Variants in ST3GAL6 observed in about 807,000 individuals in gnomAD.
The protein encoded by ST3GAL6 is ST3 beta-galactoside alpha-2,3-sialyltransferase 6, also known as type 2 lactosamine alpha-2,3-sialyltransferase.
A neutral mutation model predicts 40.5 loss-of-function variants in ST3GAL6; 31 were observed. That is an observed-to-expected ratio of 0.77 (90% confidence interval 0.58 to 1.03). The LOEUF is 1.03. Ranked by LOEUF, ST3GAL6 falls within the 50% of genes least tolerant of loss-of-function variation. The pLI, the probability that ST3GAL6 is intolerant of heterozygous loss-of-function variation, is 0.00. For synonymous variants in ST3GAL6, 129 were observed against 136.9 expected (o/e 0.94, Z 0.40); for missense variants, 357 against 393.2 (o/e 0.91, Z 0.78).
chr3:98,739,385 AAAC>A lies in ST3GAL6; in HGVS notation c.-12+6856_-12+6858del, dbSNP rs201958105. 8.9e-3 allele frequency among the ~76,000 whole-genome samples: 1,298 copies of A among 146,486 alleles called. 14 individuals are homozygous for A. Among genetic ancestry groups the A allele is most frequent in the South Asian group, 0.023 (107 of 4,642 alleles). ...AAGGAAATTGAGACAGAAAACAAAC[AAAC>A]AAAAAAAAAACCCCAAAAAAACCCA... On this transcript the variant is annotated intron_variant, in intron 1 of 9. Transcript: ENST00000265261.
intron 1 of ST3GAL6, among the ~76,000 whole-genome samples, chr3:98,736,990 A>G (rs904739220): frequency 2.0e-5 from 3 of 152,150 alleles, no homozygotes; most frequent in African/African-American, 7.2e-5. Flanking sequence ...GCATGCCTGG[A>G]GATTTTTGAT....
chr3:98,764,369 A>G (rs899343809), intron 1 of ST3GAL6, among the ~76,000 whole-genome samples: 5 of 152,128 alleles, frequency 3.3e-5, no homozygotes, highest in African/African-American at 9.7e-5. Context: ...GTTTTTATAA[A>G]CAATGCTAGC....
chr3:98,770,937 G>A lies in ST3GAL6; in HGVS notation c.148G>A (p.Ala50Thr). The A allele has an allele frequency of 1.2e-6, 2 of 1,614,092 alleles. No individual in the cohort carries two copies. Among genetic ancestry groups the A allele is most frequent in the Non-Finnish European group, 8.5e-7 (1 of 1,179,982 alleles). The change falls in exon 3 of 10, where the codon GCT becomes ACT. Residue 50 changes from alanine to threonine, a missense_variant. Physicochemically the swap from Ala to Thr is moderately conservative, Grantham distance 58. Coordinates refer to ENST00000483910, the MANE Select transcript of ST3GAL6 (RefSeq NM_001323368.2). ...NKIQPCLSKP[A>T]FASLLRFHQF... Reference sequence around the variant, plus strand: ...GATCCAGCCTTGTTTATCAAAGCCAGCTTTTGCCTCTCTGCTGAGGTAAAA... The same window carrying A: ...GATCCAGCCTTGTTTATCAAAGCCAACTTTTGCCTCTCTGCTGAGGTAAAA...
At chr3:98,771,895 A>G (rs1939037371) in intron 3 of ST3GAL6, among the ~76,000 whole-genome samples, 1 of 146,712 alleles carries the variant, frequency 6.8e-6, no homozygotes, top group African/African-American at 2.4e-5. Flanking sequence ...GTGCAAACAC[A>G]TATTTATATA....
chr3:98,782,577 G>T (rs2107292560), intron 5 of ST3GAL6: 1 of 525,604 alleles, frequency 1.9e-6, no homozygotes, highest in East Asian at 3.5e-5. Flanking sequence ...TGCCTCTCCT[G>T]CTTCCAGCAC....
chr3:98,772,149 G>A (rs1320169671), intron 3 of ST3GAL6: 1 of 124,256 alleles, frequency 8.0e-6, no homozygotes, highest in Admixed American at 7.8e-5. Context: ...AGATTATTCA[G>A]CAATATGTAA....
chr3:98,773,776 G>GT, intron 4 of ST3GAL6, 144 bp from the exon 5 acceptor site: 1 of 569,918 alleles, frequency 1.8e-6, no homozygotes, highest in Admixed American at 3.1e-5. Context: ...GCTAATTGCA[G>GT]TTGTATCATT....
chr3:98,762,960 C>T, upstream of ST3GAL6: 6 of 985,308 alleles, frequency 6.1e-6, no homozygotes, highest in Non-Finnish European at 7.2e-6. Context: ...GGTTGTAGAT[C>T]CTTGGGATAT....
In ST3GAL6 at chr3:98,782,335, A is replaced by C. The variant is rs759186215; in HGVS notation, c.336-2610A>C. On this transcript the variant is annotated intron_variant, in intron 5 of 9. Transcript: ENST00000483910. Reference sequence around the variant, plus strand: ...TAGCTAATTGATGTATGCAAGATGTAATTACAGCCATTGATAGGGAAAATA... The same window carrying C: ...TAGCTAATTGATGTATGCAAGATGTCATTACAGCCATTGATAGGGAAAATA... 4 of 701,058 alleles carry C rather than the reference A, an allele frequency of 5.7e-6. No individual in the cohort carries two copies. The South Asian group carries it at 6.0e-5, about 10-fold the overall frequency. 43.4% of individuals were successfully genotyped at this position (701,058 alleles called of 1,614,324 possible). A position where few individuals can be genotyped will look rare whatever the true frequency, so the allele number is the denominator to read the frequency against.
intron 1 of ST3GAL6, among the ~76,000 whole-genome samples, chr3:98,743,881 T>C (rs552108895): frequency 1.3e-5 from 2 of 152,174 alleles, no homozygotes; most frequent in South Asian, 2.1e-4. Flanking sequence ...GAGGGTGTAA[T>C]TGGTTCAGTT....
intron 3 of ST3GAL6, 107 bp from the exon 4 acceptor site, chr3:98,772,706 A>G: frequency 1.6e-6 from 1 of 635,710 alleles, no homozygotes; most frequent in Non-Finnish European, 2.8e-6. Flanking sequence ...TTGTATAGCC[A>G]GTATAATGAT....
intron 9 of ST3GAL6, among the ~76,000 whole-genome samples, 166 bp from the exon 10 acceptor site, chr3:98,793,509 C>A (rs1941379861): frequency 6.6e-6 from 1 of 151,584 alleles, no homozygotes. Flanking sequence ...CAAGAACCAG[C>A]AAGGAAAGTA....
intron 5 of ST3GAL6, chr3:98,783,837 A>G (rs1222082018): frequency 3.5e-6 from 1 of 289,136 alleles, no homozygotes; most frequent in East Asian, 1.7e-4. Flanking sequence ...TGTTAAAAGT[A>G]TTTTTTAAAT....
chr3:98,785,202 T>A (rs542272361), intron 6 of ST3GAL6, among the ~76,000 whole-genome samples, 162 bp downstream of exon 6: 1 of 152,286 alleles, frequency 6.6e-6, no homozygotes, highest in South Asian at 2.1e-4. Flanking sequence ...TAGACCTAGA[T>A]TTCAGGTTAC....
intron 8 of ST3GAL6, 73 bp downstream of exon 8, chr3:98,788,536 C>G: frequency 7.1e-7 from 1 of 1,402,020 alleles, no homozygotes; most frequent in Non-Finnish European, 9.5e-7. Flanking sequence ...TGGGAACTCT[C>G]AGAAACTGTA....
chr3:98,737,925 A>G (rs1250197877), intron 1 of ST3GAL6, among the ~76,000 whole-genome samples: 3 of 152,172 alleles, frequency 2.0e-5, no homozygotes, highest in Non-Finnish European at 4.4e-5. Context: ...GCCCCCACCC[A>G]AATCTCATAT....
At chr3:98,755,810 AT>A (rs1553711983) in intron 1 of ST3GAL6, among the ~76,000 whole-genome samples, 58 of 43,694 alleles carry the variant, frequency 1.3e-3, no homozygotes, top group Admixed American at 3.7e-3. Context: ...GATTTTTTTC[AT>A]TTTTTTTTTT....
intron 6 of ST3GAL6, 59 bp from the exon 7 acceptor site, chr3:98,787,977 G>A: frequency 6.8e-7 from 1 of 1,479,018 alleles, no homozygotes; most frequent in Non-Finnish European, 9.2e-7. Flanking sequence ...TGAGAACTGT[G>A]ATGGGAATGG....
intron 5 of ST3GAL6, among the ~76,000 whole-genome samples, chr3:98,779,087 G>A (rs1262564374): frequency 6.6e-6 from 1 of 152,182 alleles, no homozygotes; most frequent in Non-Finnish European, 1.5e-5. Context: ...TTGAGTTAGT[G>A]GCTCAGTGAT....
Sources: gnomAD v4.1 joint callset for allele counts (sites outside exome capture counted in the v4.1 genomes callset) on GRCh38, gnomAD v4.1.1 for gene constraint, MANE v1.5 for transcripts, NCBI Gene and HGNC (gene_info 2026-07-23, HGNC 2026-07-21) for gene names.